The following APLP2 variants were observed in gnomAD, a reference collection of about 807,000 sequenced individuals.
APLP2 encodes amyloid beta precursor like protein 2, also known as CDEI box-binding protein.
A neutral mutation model predicts 89.9 loss-of-function variants in APLP2; 53 were observed. That is an observed-to-expected ratio of 0.59 (90% CI 0.47 to 0.74). The LOEUF (loss-of-function observed/expected upper bound fraction) is 0.74. APLP2 is among the 30% of genes least tolerant of loss of function. The probability of loss-of-function intolerance (pLI) is 0.00; values close to 1 mark genes in which losing one functional copy is unlikely to be tolerated. For missense variants in APLP2, 973 were observed against 975.9 expected (o/e 1.00, Z 0.04); for synonymous variants, 372 against 348.6 (o/e 1.07, Z -0.75).
chr11:130,099,756 A>G (rs773060390), intron 1 of APLP2, among the ~76,000 whole-genome samples: 12 of 152,242 alleles, frequency 7.9e-5, no homozygotes, highest in Non-Finnish European at 1.6e-4. Context: ...TTTGGGAAGG[A>G]TGGCCAGTCA....
chr11:130,121,016 ACAGT>A (rs1949749232), intron 4 of APLP2, among the ~76,000 whole-genome samples, 198 bp downstream of exon 4: 1 of 152,224 alleles, frequency 6.6e-6, no homozygotes, highest in Admixed American at 6.5e-5. Context: ...CTCAGTGTTG[ACAGT>A]CAGCTCCTGA....
At chr11:130,134,623 G>A (rs1951338901) in intron 12 of APLP2, among the ~76,000 whole-genome samples, 1 of 152,230 alleles carries the variant, frequency 6.6e-6, no homozygotes, top group Admixed American at 6.5e-5. Flanking sequence ...GCTGCTGTGT[G>A]TAGTCGATTA....
intron 1 of APLP2, among the ~76,000 whole-genome samples, chr11:130,101,215 C>T (rs1236891326): frequency 2.6e-5 from 4 of 152,200 alleles, no homozygotes; most frequent in South Asian, 2.1e-4. Context: ...CTCGCTCTGT[C>T]GCCCAGGCGG....
At chr11:130,135,230 T>A (rs1951432013) in intron 12 of APLP2, among the ~76,000 whole-genome samples, 1 of 152,118 alleles carries the variant, frequency 6.6e-6, no homozygotes, top group African/African-American at 2.4e-5. Context: ...GAAGGTGATG[T>A]GTGTGTTTGC....
rs1013166769 is a variant in APLP2, at chr11:130,079,291, G to A, written c.105+9209G>A. 4.6e-5 allele frequency among the ~76,000 whole-genome samples: 7 copies of A among 152,118 alleles called. 1 individual carries two copies. The highest frequency in any genetic ancestry group is 8.8e-5 in the Non-Finnish European group (6 of 68,014). ...TTTTTGTATTTATAGTAGAGATGGG[G>A]TTTCACCATGTTGGTCAGGCTGGTC... On this transcript the variant is annotated intron_variant, in intron 1 of 16. Transcript: ENST00000338167.
intron 1 of APLP2, among the ~76,000 whole-genome samples, chr11:130,079,777 A>G (rs1381878110): frequency 1.3e-5 from 2 of 152,156 alleles, no homozygotes; most frequent in African/African-American, 4.8e-5. Flanking sequence ...TCAGATAGAA[A>G]AGACAATAGC....
intron 9 of APLP2, 25 bp downstream of exon 9, chr11:130,127,865 A>G (rs1235488080): frequency 3.7e-6 from 6 of 1,603,690 alleles, no homozygotes; most frequent in Non-Finnish European, 5.1e-6. Flanking sequence ...CTGGGGACAT[A>G]GCTTTCAGCC....
intron 4 of APLP2, among the ~76,000 whole-genome samples, chr11:130,121,301 A>G (rs1302913983): frequency 1.3e-5 from 2 of 152,178 alleles, no homozygotes; most frequent in Non-Finnish European, 2.9e-5. Flanking sequence ...ACCAGTGGTG[A>G]GTATCTATTA....
chr11:130,107,061 T>C (rs564138121), intron 1 of APLP2, among the ~76,000 whole-genome samples: 1 of 152,362 alleles, frequency 6.6e-6, no homozygotes, highest in African/African-American at 2.4e-5. Context: ...GTGGTCACAC[T>C]TTTTGTGAGT....
chr11:130,070,734 G>T (rs1210130738), intron 1 of APLP2: 1 of 1,459,084 alleles, frequency 6.9e-7, no homozygotes, highest in Admixed American at 2.5e-5. Flanking sequence ...GTAGACCGAG[G>T]AAACCCGCTC....
intron 3 of APLP2, among the ~76,000 whole-genome samples, chr11:130,117,612 C>A (rs1949345136): frequency 6.6e-6 from 1 of 152,106 alleles, no homozygotes; most frequent in Admixed American, 6.5e-5. Flanking sequence ...ACCATGCTGG[C>A]CAGGCTGGTC....
chr11:130,113,879 G>C (rs767151237), intron 3 of APLP2, among the ~76,000 whole-genome samples: 5 of 152,136 alleles, frequency 3.3e-5, no homozygotes, highest in Non-Finnish European at 4.4e-5. Flanking sequence ...CCAGATTTCA[G>C]ATTTTCCAAC....
At position 130,076,294 on chromosome 11, in the gene APLP2, C is replaced by T. The variant is rs560897358; in HGVS notation, c.105+6212C>T. 2.8e-4 allele frequency among the ~76,000 whole-genome samples: 42 copies of T among 152,122 alleles called. 1 individual carries two copies. The highest frequency in any genetic ancestry group is 7.9e-4 in the Admixed American group (12 of 15,268). ...TTCACCATGTTGGCCAGGCTGGTCTCGAACTCCTGACCTCAAGCGATCCAG... is the reference window on the plus strand; with the variant it reads ...TTCACCATGTTGGCCAGGCTGGTCTTGAACTCCTGACCTCAAGCGATCCAG... On this transcript the variant is annotated intron_variant, in intron 1 of 16. Coordinates refer to ENST00000338167, the MANE Select transcript of APLP2 (RefSeq NM_001142276.2).
At chr11:130,072,449 G>C (rs536432001) in intron 1 of APLP2, among the ~76,000 whole-genome samples, 68 of 150,950 alleles carry the variant, frequency 4.5e-4, no homozygotes, top group African/African-American at 1.6e-3. Context: ...GAGAAACCTT[G>C]GTGTGCTTCT....
At chr11:130,129,600 G>A (rs1164943331) in intron 10 of APLP2, among the ~76,000 whole-genome samples, 5 of 152,234 alleles carry the variant, frequency 3.3e-5, no homozygotes, top group African/African-American at 1.2e-4. Context: ...ACTCTTGTGT[G>A]AGTGGTCTCA....
rs189438926 is a variant in APLP2 at position 130,118,299 on chromosome 11, T to C, written c.404-2407T>C. Among the ~76,000 whole-genome samples, 236 of 152,338 alleles carry C rather than the reference T, an allele frequency of 1.5e-3. 1 individual carries two copies. The highest frequency in any genetic ancestry group is 5.5e-3 in the African/African-American group (227 of 41,576). On this transcript the variant is annotated intron_variant, in intron 3 of 16. Coordinates refer to ENST00000338167, the MANE Select transcript of APLP2 (RefSeq NM_001142276.2). Reference sequence around the variant, plus strand: ...ACTTCACTAACATTAACATCAATAGTGCCTACCAGGTGTCAGTTTCTGTTT... The same window carrying C: ...ACTTCACTAACATTAACATCAATAGCGCCTACCAGGTGTCAGTTTCTGTTT...
At chr11:130,088,258 T>C (rs1346293673) in intron 1 of APLP2, among the ~76,000 whole-genome samples, 1 of 152,204 alleles carries the variant, frequency 6.6e-6, no homozygotes, top group African/African-American at 2.4e-5. Flanking sequence ...GGTTTGATTG[T>C]TCCAGGGGGG....
At chr11:130,119,669 C>G (rs1949602874) in intron 3 of APLP2, among the ~76,000 whole-genome samples, 1 of 152,132 alleles carries the variant, frequency 6.6e-6, no homozygotes, top group Non-Finnish European at 1.5e-5. Flanking sequence ...ATCTCTGTAC[C>G]CTTTACCTAG....
At chr11:130,103,298 T>C (rs1311666018) in intron 1 of APLP2, among the ~76,000 whole-genome samples, 3 of 152,230 alleles carry the variant, frequency 2.0e-5, no homozygotes, top group Non-Finnish European at 1.5e-5. Flanking sequence ...ATATTTCCGA[T>C]GATACCTTCT....
Sources: gnomAD v4.1 joint callset for allele counts (sites outside exome capture counted in the v4.1 genomes callset) on GRCh38, gnomAD v4.1.1 for gene constraint, MANE v1.5 for transcripts, NCBI Gene and HGNC (gene_info 2026-07-23, HGNC 2026-07-21) for gene names.